The following ALK variants were observed in gnomAD, a reference collection of about 807,000 sequenced individuals.
ALK encodes ALK tyrosine kinase receptor.
A neutral mutation model predicts 163.1 loss-of-function variants in ALK; 74 were observed. That is an observed-to-expected ratio of 0.45 (90% CI 0.38 to 0.55). The LOEUF is 0.55. Ranked by LOEUF, ALK falls within the 20% of genes least tolerant of loss-of-function variation. The probability of loss-of-function intolerance (pLI) is 0.00; values close to 1 mark genes in which losing one functional copy is unlikely to be tolerated. For missense variants in ALK, 2,063 were observed against 2,105.3 expected, an observed-to-expected ratio of 0.98 and a Z score of 0.39; for synonymous variants, 960 against 843.2, an observed-to-expected ratio of 1.14 and a Z score of -2.40.
rs779303121 is a variant in ALK at position 29,209,885 on chromosome 2, A to AGAAAG, written c.3744-12_3744-8dup. ...GTTTCTGGCAGCAATGTCTCTGGGA[A>AGAAAG]GAAAGGAAATGCATTTCCTAATTTT... On this transcript the variant is annotated splice_region_variant and splice_polypyrimidine_tract_variant and intron_variant, in intron 24 of 28. Transcript: ENST00000389048. The AGAAAG allele has an allele frequency of 1.6e-5, 26 of 1,612,792 alleles. No individual in the cohort carries two copies. In the Middle Eastern group the frequency reaches 5.0e-4, roughly 31 times the overall value.
chr2:29,767,980 C>T (rs184351380), intron 1 of ALK, among the ~76,000 whole-genome samples: 9 of 152,274 alleles, frequency 5.9e-5, no homozygotes, highest in East Asian at 5.8e-4. Flanking sequence ...TGTTACTGTC[C>T]GGGTGACAGT....
Position 29,705,240 on chromosome 2 carries a change from A to AATATATATAT in ALK, c.788-10236_788-10227dup, listed in dbSNP as rs1172702963. On this transcript the variant is annotated intron_variant, in intron 2 of 28. Coordinates refer to ENST00000389048, the MANE Select transcript of ALK (RefSeq NM_004304.5). ...CTCAACAAAAAAAGAAAAGAAAAGA[A>AATATATATAT]ATATATATATATATATATATATATA... Among the ~76,000 whole-genome samples the AATATATATAT allele has an allele frequency of 5.0e-3, 233 of 47,030 alleles. 5 individuals are homozygous for AATATATATAT. The highest frequency in any genetic ancestry group is 7.7e-3 in the Non-Finnish European group (170 of 21,994). 30.9% of individuals were successfully genotyped at this position (47,030 alleles called of 152,430 possible).
chr2:29,899,350 T>C (rs1240678360), intron 1 of ALK, among the ~76,000 whole-genome samples: 1 of 152,178 alleles, frequency 6.6e-6, no homozygotes, highest in Non-Finnish European at 1.5e-5. Context: ...TTTTGCCCCC[T>C]GCAAGCAGCT....
At chr2:29,537,209 T>C (rs1558373421) in intron 3 of ALK, among the ~76,000 whole-genome samples, 2 of 151,672 alleles carry the variant, frequency 1.3e-5, no homozygotes, top group Non-Finnish European at 2.9e-5. Flanking sequence ...TCCAAGACAA[T>C]AAAAAAAAGA....
intron 2 of ALK, among the ~76,000 whole-genome samples, chr2:29,697,080 AAAT>A (rs1291151069): frequency 1.3e-5 from 2 of 152,002 alleles, no homozygotes; most frequent in Non-Finnish European, 2.9e-5. Context: ...ATAAAAAATA[AAAT>A]AATAAATAAT....
intron 1 of ALK, among the ~76,000 whole-genome samples, chr2:29,886,134 T>G (rs907837640): frequency 1.3e-5 from 2 of 152,234 alleles, no homozygotes; most frequent in Non-Finnish European, 2.9e-5. Context: ...CTCTTTTTTA[T>G]AGTTGTGTTA....
intron 3 of ALK, among the ~76,000 whole-genome samples, chr2:29,638,338 A>G (rs1676604474): frequency 6.6e-6 from 1 of 152,188 alleles, no homozygotes; most frequent in Admixed American, 6.5e-5. Flanking sequence ...ATAAACCTTC[A>G]TTGACTAGTA....
At chr2:29,722,676 A>T (rs565561042) in intron 1 of ALK, among the ~76,000 whole-genome samples, 1 of 152,198 alleles carries the variant, frequency 6.6e-6, no homozygotes, top group Non-Finnish European at 1.5e-5. Context: ...TATCATCCAC[A>T]TACTACTGTT....
intron 4 of ALK, among the ~76,000 whole-genome samples, chr2:29,481,091 G>A (rs966028474): frequency 1.3e-5 from 2 of 152,220 alleles, no homozygotes; most frequent in African/African-American, 2.4e-5. Flanking sequence ...ACCAGCTTCA[G>A]ATTTAGTGAA....
chr2:29,717,552 C>G (rs1369056916), intron 2 of ALK, 26 bp downstream of exon 2: 1 of 1,613,344 alleles, frequency 6.2e-7, no homozygotes, highest in Admixed American at 1.7e-5. Flanking sequence ...CAGTGTATCT[C>G]AAGTAAATAT....
At chr2:29,225,044 G>A (rs1663908365) in intron 19 of ALK, among the ~76,000 whole-genome samples, 1 of 152,240 alleles carries the variant, frequency 6.6e-6, no homozygotes, top group Non-Finnish European at 1.5e-5. Flanking sequence ...CTGCCTGGAG[G>A]GTGGTGGAGG....
chr2:29,440,008 G>T (rs866456216), intron 4 of ALK, among the ~76,000 whole-genome samples: 31 of 152,022 alleles, frequency 2.0e-4, no homozygotes, highest in African/African-American at 6.8e-4. Context: ...AAGGCAGGAG[G>T]ATCACCTGAG....
chr2:29,499,795 C>T (rs1362344643), intron 4 of ALK, among the ~76,000 whole-genome samples: 2 of 152,036 alleles, frequency 1.3e-5, no homozygotes, highest in Non-Finnish European at 2.9e-5. Context: ...TCTTGCGGTG[C>T]CTCCAGGTGT....
At chr2:29,207,754 C>G (rs191886445) in intron 25 of ALK, among the ~76,000 whole-genome samples, 20 of 152,364 alleles carry the variant, frequency 1.3e-4, no homozygotes, top group African/African-American at 4.8e-4. Flanking sequence ...ATCTAGACAG[C>G]TGTGTGGATG....
chr2:29,861,037 T>C (rs562707724), intron 1 of ALK, among the ~76,000 whole-genome samples: 1 of 152,266 alleles, frequency 6.6e-6, no homozygotes, highest in South Asian at 2.1e-4. Context: ...TTGGGTATGG[T>C]GGCATGTGCC....
At chr2:29,463,749 G>A (rs1352079055) in intron 4 of ALK, among the ~76,000 whole-genome samples, 1 of 152,204 alleles carries the variant, frequency 6.6e-6, no homozygotes, top group Non-Finnish European at 1.5e-5. Context: ...CTGGAAATCT[G>A]TAAAGGCGTC....
intron 1 of ALK, among the ~76,000 whole-genome samples, chr2:29,796,499 T>C (rs1022779118): frequency 2.0e-5 from 3 of 152,224 alleles, no homozygotes; most frequent in African/African-American, 7.2e-5. Flanking sequence ...ATTGATTTTG[T>C]ACCTGTTCTC....
intron 28 of ALK, among the ~76,000 whole-genome samples, chr2:29,196,053 C>A (rs745727772): frequency 6.6e-6 from 1 of 151,926 alleles, no homozygotes. Context: ...GCATAGCTGT[C>A]GGCTGAAAAT....
chr2:29,804,680 T>C (rs2148367275), intron 1 of ALK, among the ~76,000 whole-genome samples: 1 of 152,332 alleles, frequency 6.6e-6, no homozygotes, highest in South Asian at 2.1e-4. Flanking sequence ...TTAGTCCTAA[T>C]TCTGACTTTT....
Sources: gnomAD v4.1 joint callset for allele counts (sites outside exome capture counted in the v4.1 genomes callset) on GRCh38, gnomAD v4.1.1 for gene constraint, MANE v1.5 for transcripts, NCBI Gene and HGNC (gene_info 2026-07-23, HGNC 2026-07-21) for gene names.